The following PRLR variants were observed in gnomAD, a reference collection of about 807,000 sequenced individuals.
PRLR encodes the protein hPRL receptor.
A neutral mutation model predicts 40.2 loss-of-function variants in PRLR; 13 were observed. The observed-to-expected ratio is 0.32, with a 90% CI of 0.21 to 0.51. The LOEUF (loss-of-function observed/expected upper bound fraction) is 0.51, where lower values mean the gene tolerates loss of function less well. PRLR is among the 20% of genes least tolerant of loss of function. PRLR has a pLI of 0.97. For synonymous variants in PRLR, 269 were observed against 278.7 expected (o/e 0.97, Z 0.35); for missense variants, 656 against 747.3 (o/e 0.88, Z 1.42).
downstream of PRLR, among the ~76,000 whole-genome samples, chr5:35,051,307 T>A (rs541098726): frequency 1.3e-4 from 20 of 152,330 alleles, no homozygotes; most frequent in East Asian, 3.9e-3. Context: ...GTAGAATGAT[T>A]GACAGATAAT....
intron 2 of PRLR, among the ~76,000 whole-genome samples, chr5:35,109,988 C>A (rs918247324): frequency 6.6e-6 from 1 of 152,190 alleles, no homozygotes; most frequent in East Asian, 1.9e-4. Flanking sequence ...CAGTGATAGA[C>A]TGGATTAAGA....
intron 1 of PRLR, among the ~76,000 whole-genome samples, chr5:35,219,329 C>G (rs755629979): frequency 9.2e-5 from 14 of 152,210 alleles, no homozygotes; most frequent in Non-Finnish European, 1.0e-4. Context: ...TACTTACCAG[C>G]TGTATGATCT....
At chr5:35,052,257 C>T (rs1426671967), downstream of PRLR, among the ~76,000 whole-genome samples, 3 of 152,076 alleles carry the variant, frequency 2.0e-5, no homozygotes, top group East Asian at 5.8e-4. Context: ...AGGTTCATCT[C>T]AAGAATGCAA....
In PRLR at chr5:35,106,836, G is replaced by T. The variant is rs562276911; in HGVS notation, c.-44+11225C>A. On this transcript the variant is annotated intron_variant, in intron 2 of 9. Coordinates refer to ENST00000618457, the MANE Select transcript of PRLR (RefSeq NM_000949.7). The stretch of plus-strand genomic sequence containing the variant: ...GATCGATGACACAGAAAGTTAACAA[G>T]GATATTCAGAACTTGAACTCAGCTC... Among the ~76,000 whole-genome samples the T allele has an allele frequency of 3.9e-4, 60 of 152,242 alleles. 2 individuals carry two copies. In the South Asian group the frequency reaches 0.011, roughly 28 times the overall value.
At chr5:35,067,945 T>C (rs1232536909) in intron 9 of PRLR, among the ~76,000 whole-genome samples, 1 of 152,230 alleles carries the variant, frequency 6.6e-6, no homozygotes, top group Non-Finnish European at 1.5e-5. Flanking sequence ...AATGTTTATC[T>C]CTATGCTTAT....
At chr5:35,207,063 A>G (rs1377028081) in intron 1 of PRLR, among the ~76,000 whole-genome samples, 1 of 152,106 alleles carries the variant, frequency 6.6e-6, no homozygotes, top group Non-Finnish European at 1.5e-5. Flanking sequence ...TTATTTTATT[A>G]GCTTCCACAT....
chr5:35,087,513 C>T (rs1346341408), intron 3 of PRLR, among the ~76,000 whole-genome samples: 2 of 150,634 alleles, frequency 1.3e-5, no homozygotes, highest in Non-Finnish European at 1.5e-5. Flanking sequence ...GTGTGTGGCC[C>T]TTTTGTAATC....
chr5:35,073,119 A>C (rs889825704), intron 5 of PRLR, among the ~76,000 whole-genome samples: 1 of 152,176 alleles, frequency 6.6e-6, no homozygotes, highest in African/African-American at 2.4e-5. Flanking sequence ...AAGAGATTTC[A>C]AACAGCTTAT....
At chr5:35,189,799 C>T (rs1554055074) in intron 1 of PRLR, among the ~76,000 whole-genome samples, 1 of 152,120 alleles carries the variant, frequency 6.6e-6, no homozygotes, top group Non-Finnish European at 1.5e-5. Context: ...ATGAAGATTC[C>T]TCTCAGTGTG....
intron 1 of PRLR, among the ~76,000 whole-genome samples, chr5:35,206,080 T>C (rs1776008598): frequency 6.6e-6 from 1 of 151,962 alleles, no homozygotes; most frequent in South Asian, 2.1e-4. Flanking sequence ...GAAAATACTG[T>C]GGAAAAGGAC....
intron 1 of PRLR, among the ~76,000 whole-genome samples, chr5:35,160,094 C>T (rs1278779948): frequency 6.6e-6 from 1 of 152,220 alleles, no homozygotes; most frequent in African/African-American, 2.4e-5. Context: ...AGATGTGTTA[C>T]TCTATAACAG....
At chr5:35,052,788 G>A (rs1768543417), downstream of PRLR, among the ~76,000 whole-genome samples, 1 of 152,134 alleles carries the variant, frequency 6.6e-6, no homozygotes, top group Non-Finnish European at 1.5e-5. Flanking sequence ...ACACAGAGAG[G>A]CTAAGAAAAA....
At chr5:35,049,505 G>A in intron 8 of PRLR, 1 of 633,026 alleles carries the variant, frequency 1.6e-6, no homozygotes, top group Non-Finnish European at 2.8e-6. Context: ...AAATTATTCG[G>A]ATTACCATAA....
intron 3 of PRLR, among the ~76,000 whole-genome samples, chr5:35,087,144 C>T (rs1222389473): frequency 6.6e-6 from 1 of 152,102 alleles, no homozygotes; most frequent in East Asian, 1.9e-4. Flanking sequence ...GTGCACACCA[C>T]CACACCCGGC....
chr5:35,049,155 T>C, exon 9 of PRLR: 1 of 698,918 alleles, frequency 1.4e-6, no homozygotes, highest in Non-Finnish European at 2.6e-6. Context: ...GCTGGTCACG[T>C]GCTGCAGGAG....
In PRLR at chr5:35,064,812, T is replaced by TC. The variant is rs1346204865; in HGVS notation, c.*276dup. ...CCAGAGGATATACCTATTGGCATTG[T>TC]CCCTCAAGAATACTAAGCAGTGTGC... On this transcript the variant is annotated 3_prime_UTR_variant, in exon 10 of 10. Transcript: ENST00000618457. 7.9e-6 allele frequency: 3 copies of TC among 379,300 alleles called. No individual in the cohort carries two copies. The highest frequency in any genetic ancestry group is 4.2e-5 in the Admixed American group (1 of 23,700). The allele number at this position is 379,300 out of a possible 1,614,324, so 23.5% of individuals were successfully genotyped here.
chr5:35,083,511 T>TTTC (rs1554043662), intron 5 of PRLR, among the ~76,000 whole-genome samples: 4 of 148,318 alleles, frequency 2.7e-5, no homozygotes, highest in Admixed American at 2.0e-4. Context: ...ATTTAAATTC[T>TTTC]TTCTTTTCTT....
chr5:35,079,563 C>T (rs1407364167), intron 5 of PRLR, among the ~76,000 whole-genome samples: 1 of 152,126 alleles, frequency 6.6e-6, no homozygotes, highest in Non-Finnish European at 1.5e-5. Flanking sequence ...AAAGAGGATA[C>T]ACAGAAATGG....
In PRLR at chr5:35,089,685, A is replaced by G. The variant is rs1182604057; in HGVS notation, c.-43-22T>C. ...TTCACTGGAAGAGAAGGTAGCAGGT[A>G]ACTTTTGTGAAATGGCAGTCTGGTC... is the stretch of plus-strand genomic sequence containing the variant. On this transcript the variant is annotated intron_variant, in intron 2 of 9. Coordinates refer to ENST00000618457, the MANE Select transcript of PRLR (RefSeq NM_000949.7). The G allele has an allele frequency of 5.2e-6, 8 of 1,549,424 alleles. No individual in the cohort carries two copies. In the Admixed American group the frequency reaches 1.3e-4, roughly 26 times the overall value.
Sources: gnomAD v4.1 joint callset for allele counts (sites outside exome capture counted in the v4.1 genomes callset) on GRCh38, gnomAD v4.1.1 for gene constraint, MANE v1.5 for transcripts, NCBI Gene and HGNC (gene_info 2026-07-23, HGNC 2026-07-21) for gene names.